Variants in UNC79 observed in about 807,000 individuals in gnomAD.
The protein encoded by UNC79 is protein unc-79 homolog.
Under a neutral mutation model 283.1 loss-of-function variants are expected in UNC79, and 37 were observed. That is an observed-to-expected ratio of 0.13 (90% CI 0.10 to 0.17). The LOEUF (loss-of-function observed/expected upper bound fraction) is 0.17, where lower values mean the gene tolerates loss of function less well. Ranked by LOEUF, UNC79 falls within the 10% of genes least tolerant of loss-of-function variation. UNC79 has a pLI of 1.00. For missense variants in UNC79, 2,272 were observed against 3,211.1 expected (o/e 0.71, Z 7.07); for synonymous variants, 1,107 against 1,200.2 (o/e 0.92, Z 1.61).
intron 7 of UNC79, among the ~76,000 whole-genome samples, chr14:93,522,153 C>A (rs2060353264): frequency 6.6e-6 from 1 of 151,980 alleles, no homozygotes; most frequent in Non-Finnish European, 1.5e-5. Context: ...TTATTTCTGG[C>A]AGAATAGAAG....
exon 27 of UNC79, chr14:93,612,861 C>T (rs538180673): frequency 1.2e-6 from 2 of 1,614,118 alleles, no homozygotes; most frequent in East Asian, 2.2e-5. Flanking sequence ...CTGGGATCGA[C>T]CACCAGACAG....
At chr14:93,399,256 C>T (rs1055729349) in intron 1 of UNC79, among the ~76,000 whole-genome samples, 1 of 152,094 alleles carries the variant, frequency 6.6e-6, no homozygotes, top group Non-Finnish European at 1.5e-5. Flanking sequence ...GTGGGGATTA[C>T]AATTTGAGAT....
intron 4 of UNC79, among the ~76,000 whole-genome samples, chr14:93,485,256 G>T (rs916105002): frequency 2.7e-5 from 4 of 149,440 alleles, no homozygotes; most frequent in African/African-American, 1.0e-4. Context: ...GTGTGTGTGC[G>T]TGTGTGTATT....
At chr14:93,440,683 C>G (rs1290784938) in intron 1 of UNC79, among the ~76,000 whole-genome samples, 1 of 151,882 alleles carries the variant, frequency 6.6e-6, no homozygotes, top group East Asian at 1.9e-4. Flanking sequence ...GTATATTTGC[C>G]TTTGACCTAA....
chr14:93,425,090 A>C (rs111745536), intron 1 of UNC79, among the ~76,000 whole-genome samples: 21,430 of 152,106 alleles, frequency 0.14, 2,034 homozygotes, highest in African/African-American at 0.27. Flanking sequence ...AGACTGGGTA[A>C]TTTATAAAGG....
At chr14:93,477,572 A>T in exon 4 of UNC79, 1 of 1,602,214 alleles carries the variant, frequency 6.2e-7, no homozygotes, top group Non-Finnish European at 8.5e-7. Flanking sequence ...TGGACAGTCG[A>T]TATTTTATAC....
chr14:93,409,558 A>G (rs1845008209), intron 1 of UNC79, among the ~76,000 whole-genome samples: 1 of 152,056 alleles, frequency 6.6e-6, no homozygotes, highest in Non-Finnish European at 1.5e-5. Context: ...GCCAGGTCTG[A>G]TGGCATGCTC....
At chr14:93,470,937 G>A (rs1448408631) in intron 2 of UNC79, among the ~76,000 whole-genome samples, 1 of 152,164 alleles carries the variant, frequency 6.6e-6, no homozygotes, top group Non-Finnish European at 1.5e-5. Flanking sequence ...GACATTTAAA[G>A]GATCCTAGTC....
chr14:93,388,626 A>G (rs1270231675), intron 1 of UNC79, among the ~76,000 whole-genome samples: 1 of 152,232 alleles, frequency 6.6e-6, no homozygotes, highest in Admixed American at 6.5e-5. Flanking sequence ...ATCTTCATCA[A>G]TAATGAATAG....
rs74244735 is a variant in UNC79, at chr14:93,597,991, T to C, written c.3372+451T>C. Among the ~76,000 whole-genome samples, 673 of 152,288 alleles carry C rather than the reference T, an allele frequency of 4.4e-3. 14 individuals are homozygous for C. In the East Asian group the frequency reaches 0.066, roughly 15 times the overall value. ...CCACATCTTGCTAAAAGATCCCTTG[T>C]TGTTATTTGTTGATGCCACTTTTTT... On this transcript the variant is annotated intron_variant, in intron 24 of 48. Transcript: ENST00000555664.
At chr14:93,704,972 T>C (rs1475563716) in intron 48 of UNC79, among the ~76,000 whole-genome samples, 2 of 152,184 alleles carry the variant, frequency 1.3e-5, no homozygotes, top group Non-Finnish European at 2.9e-5. Flanking sequence ...CAATGGCTTC[T>C]GTCTGTAATC....
Position 93,571,584 on chromosome 14 carries a change from A to C in UNC79, c.1756-310A>C, listed in dbSNP as rs184258853. On this transcript the variant is annotated intron_variant, in intron 14 of 48. Coordinates refer to ENST00000555664, the Ensembl canonical transcript of UNC79. Reference sequence around the variant, plus strand: ...ATAAGAATGCTCTAATAGTATGCTCATCCTGTTGGGAATAAATCTTTGGAA... The same window carrying C: ...ATAAGAATGCTCTAATAGTATGCTCCTCCTGTTGGGAATAAATCTTTGGAA... Among the ~76,000 whole-genome samples, 28 of 152,368 alleles carry C rather than the reference A, an allele frequency of 1.8e-4. No individual in the cohort carries two copies. The East Asian group carries it at 3.1e-3, about 17-fold the overall frequency.
chr14:93,470,839 G>C (rs1226302721), intron 2 of UNC79, among the ~76,000 whole-genome samples: 1 of 152,156 alleles, frequency 6.6e-6, no homozygotes, highest in Non-Finnish European at 1.5e-5. Context: ...CTACATGGGA[G>C]GGAGTCTGTT....
At chr14:93,579,364 C>T (rs1487309593) in intron 18 of UNC79, among the ~76,000 whole-genome samples, 2 of 152,162 alleles carry the variant, frequency 1.3e-5, no homozygotes, top group Non-Finnish European at 2.9e-5. Flanking sequence ...CTAGTGTTAG[C>T]ATCAATGGAT....
chr14:93,660,622 C>T (rs2071495983), intron 39 of UNC79, among the ~76,000 whole-genome samples: 1 of 147,016 alleles, frequency 6.8e-6, no homozygotes, highest in African/African-American at 2.5e-5. Flanking sequence ...CAGAGTCTCG[C>T]TCTGTCACCC....
intron 23 of UNC79, 116 bp from the exon 24 acceptor site, chr14:93,597,243 C>T (rs543967011): frequency 9.2e-7 from 1 of 1,087,590 alleles, no homozygotes; most frequent in African/African-American, 1.6e-5. Context: ...TGCGGGAGAC[C>T]CAGAGTTAAC....
At chr14:93,495,199 G>A (rs769627292) in intron 5 of UNC79, among the ~76,000 whole-genome samples, 3 of 152,210 alleles carry the variant, frequency 2.0e-5, no homozygotes, top group Non-Finnish European at 4.4e-5. Flanking sequence ...AACTGCCAGA[G>A]ACTGAGTAAT....
At chr14:93,411,170 G>A (rs1371648159) in intron 1 of UNC79, among the ~76,000 whole-genome samples, 4 of 152,018 alleles carry the variant, frequency 2.6e-5, no homozygotes, top group Non-Finnish European at 4.4e-5. Flanking sequence ...TGGTAGCTTC[G>A]CAGTACTCCC....
intron 31 of UNC79, chr14:93,634,581 A>G: frequency 6.2e-7 from 1 of 1,614,164 alleles, no homozygotes; most frequent in Non-Finnish European, 8.5e-7. Context: ...CAGTTAATGA[A>G]GCGGCAGCTG....
Sources: gnomAD v4.1 joint callset for allele counts (sites outside exome capture counted in the v4.1 genomes callset) on GRCh38, gnomAD v4.1.1 for gene constraint, MANE v1.5 for transcripts, NCBI Gene and HGNC (gene_info 2026-07-23, HGNC 2026-07-21) for gene names.